ARHGAP28: variants seen among roughly 807,000 people sequenced by gnomAD.
ARHGAP28 encodes the protein rho GTPase-activating protein 28.
In ARHGAP28, 56 loss-of-function variants were observed where a neutral mutation model predicts 90.7. That is an observed-to-expected ratio of 0.62 (90% CI 0.50 to 0.77). ARHGAP28 has a LOEUF of 0.77. ARHGAP28 is among the 30% of genes least tolerant of loss of function. The pLI is 0.00. For synonymous variants in ARHGAP28, 308 were observed against 323.3 expected, an observed-to-expected ratio of 0.95 and a Z score of 0.51; for missense variants, 869 against 900.9, an observed-to-expected ratio of 0.96 and a Z score of 0.45.
intron 1 of ARHGAP28, among the ~76,000 whole-genome samples, chr18:6,796,275 A>T (rs1430175444): frequency 6.6e-6 from 1 of 152,140 alleles, no homozygotes; most frequent in East Asian, 1.9e-4. Flanking sequence ...ACATCTATAC[A>T]TGCATACATT....
Position 6,896,573 on chromosome 18 carries a change from C to G in ARHGAP28, c.1977C>G (p.Leu659=), listed in dbSNP as rs769668803. ...CCAAGGTGTCCATGGCCATTCAACTCAACAATCAAACCAAAGCCAAAGACA... is the reference window on the plus strand; with the variant it reads ...CCAAGGTGTCCATGGCCATTCAACTGAACAATCAAACCAAAGCCAAAGACA... ...LLSKVSMAIQ[L]NNQTKAKDIL... The change falls in exon 16 of 18, where the codon CTC becomes CTG. Residue 659 remains leucine (L), a synonymous_variant. Transcript: ENST00000383472. 1.2e-6 allele frequency: 2 copies of G among 1,614,096 alleles called. No individual in the cohort carries two copies. Among genetic ancestry groups the G allele is most frequent in the Non-Finnish European group, 1.7e-6 (2 of 1,179,996 alleles).
In ARHGAP28 at chr18:6,729,730, G is replaced by A; in HGVS notation, c.-92G>A. The A allele has an allele frequency of 3.9e-6, 5 of 1,279,354 alleles. No homozygotes were observed. The South Asian group carries it at 9.9e-5, about 25-fold the overall frequency. The allele number at this position is 1,279,354 out of a possible 1,614,324, so 79.3% of individuals were successfully genotyped here. On this transcript the variant is annotated 5_prime_UTR_variant, in exon 1 of 18. Transcript: ENST00000383472. ...AGCGGCTGGTCGCACCTCGGGCCGC[G>A]CCGCCCAGCTGCTGACAGCCTCCCG...
intron 2 of ARHGAP28, among the ~76,000 whole-genome samples, chr18:6,830,618 A>C (rs1444644696): frequency 6.6e-6 from 1 of 152,110 alleles, no homozygotes; most frequent in African/African-American, 2.4e-5. Flanking sequence ...ATGGTTTCCA[A>C]CTTCATCCAT....
intron 1 of ARHGAP28, among the ~76,000 whole-genome samples, chr18:6,817,152 A>G (rs1192191519): frequency 4.0e-5 from 6 of 151,770 alleles, no homozygotes; most frequent in African/African-American, 1.2e-4. Flanking sequence ...CGTCTCTACT[A>G]AAAAAACAAA....
chr18:6,891,079 A>T (rs1378435279), intron 14 of ARHGAP28, among the ~76,000 whole-genome samples: 1 of 152,234 alleles, frequency 6.6e-6, no homozygotes, highest in African/African-American at 2.4e-5. Flanking sequence ...TAACTTGAGG[A>T]TGATCACAAG....
chr18:6,865,570 G>A (rs1220471014), intron 5 of ARHGAP28, among the ~76,000 whole-genome samples: 1 of 152,024 alleles, frequency 6.6e-6, no homozygotes, highest in African/African-American at 2.4e-5. Flanking sequence ...TCAAACCATG[G>A]GCAAAAACCA....
At chr18:6,781,118 A>T (rs969697659) in intron 1 of ARHGAP28, among the ~76,000 whole-genome samples, 7 of 152,140 alleles carry the variant, frequency 4.6e-5, no homozygotes, top group Admixed American at 6.5e-5. Context: ...GAATATTCAG[A>T]ATATTTCCCT....
intron 2 of ARHGAP28, among the ~76,000 whole-genome samples, chr18:6,833,378 C>G (rs575165605): frequency 8.6e-5 from 13 of 151,994 alleles, no homozygotes; most frequent in African/African-American, 3.1e-4. Context: ...AAAAAAGAAA[C>G]CCTCCAGTTT....
chr18:6,850,814 C>T (rs751821821), intron 3 of ARHGAP28: 7 of 1,529,562 alleles, frequency 4.6e-6, no homozygotes, highest in Non-Finnish European at 6.1e-6. Flanking sequence ...GAGTTTGCTT[C>T]TGAGACGAAT....
At chr18:6,888,044 A>G (rs2143700587) in intron 12 of ARHGAP28, among the ~76,000 whole-genome samples, 1 of 152,364 alleles carries the variant, frequency 6.6e-6, no homozygotes, top group Non-Finnish European at 1.5e-5. Context: ...AAATAATTCA[A>G]TTTAAATAGT....
Position 6,881,998 on chromosome 18 carries a change from GA to G in ARHGAP28, c.1291-131del, listed in dbSNP as rs547603565. ...CATAGCTATTTGCCTTAATCATGTT[GA>G]AAAAAAATTACTCTTGGTAGACATT... On this transcript the variant is annotated intron_variant, in intron 10 of 17. Coordinates refer to ENST00000383472, the MANE Select transcript of ARHGAP28 (RefSeq NM_001366230.1). 1.2e-3 allele frequency: 798 copies of G among 672,458 alleles called. 7 individuals carry two copies. The African/African-American group carries it at 0.013, about 11-fold the overall frequency. 41.7% of individuals were successfully genotyped at this position (672,458 alleles called of 1,614,324 possible).
chr18:6,881,010 G>A (rs924318138), intron 10 of ARHGAP28, among the ~76,000 whole-genome samples: 2 of 152,192 alleles, frequency 1.3e-5, no homozygotes, highest in African/African-American at 4.8e-5. Context: ...ATTCCTATAA[G>A]ATTGAAAGCT....
chr18:6,734,680 A>G (rs2055910957), intron 1 of ARHGAP28, among the ~76,000 whole-genome samples: 1 of 152,232 alleles, frequency 6.6e-6, no homozygotes, highest in Non-Finnish European at 1.5e-5. Flanking sequence ...TTAATTAATT[A>G]AGAAAACATT....
At chr18:6,869,764 G>A (rs1434818706) in intron 6 of ARHGAP28, among the ~76,000 whole-genome samples, 2 of 152,152 alleles carry the variant, frequency 1.3e-5, no homozygotes, top group Non-Finnish European at 2.9e-5. Context: ...ACAGCAGAGG[G>A]CAAAAGAGAA....
chr18:6,781,828 A>C (rs962512373), intron 1 of ARHGAP28, among the ~76,000 whole-genome samples: 1 of 152,180 alleles, frequency 6.6e-6, no homozygotes, highest in African/African-American at 2.4e-5. Flanking sequence ...TTGCCAGTTG[A>C]TATCTCTTTT....
At chr18:6,874,841 C>G (rs1361978716) in intron 9 of ARHGAP28, 1 of 152,026 alleles carries the variant, frequency 6.6e-6, no homozygotes, top group East Asian at 1.9e-4. Context: ...TATGTAATAC[C>G]ACGTCTAGTC....
In ARHGAP28 at chr18:6,912,099, T is replaced by C; in HGVS notation, c.2135T>C (p.Val712Ala). ...CLDPDAYILD[V>A]YRINPQAEWV... is the part of the protein sequence containing the mutation. ...GATCCAGATGCTTATATATTGGATG[T>C]ATATCGTATAAATCCTCAAGCAGAA... is the stretch of plus-strand genomic sequence containing the variant. The change falls in exon 18 of 18, where the codon GTA (valine) becomes GCA (alanine). Residue 712 changes from valine (V) to alanine (A), a missense_variant. By Grantham distance (64) the Val-to-Ala change is moderately conservative. Transcript: ENST00000383472. The C allele has an allele frequency of 1.2e-6, 2 of 1,609,286 alleles. No homozygotes were observed. Among genetic ancestry groups the C allele is most frequent in the African/African-American group, 2.7e-5 (2 of 74,912 alleles).
intron 6 of ARHGAP28, among the ~76,000 whole-genome samples, chr18:6,869,010 A>G (rs2143493408): frequency 6.6e-6 from 1 of 152,244 alleles, no homozygotes; most frequent in East Asian, 1.9e-4. Flanking sequence ...CTTGCCAGAC[A>G]TTAGTATTCT....
rs773098375 is a variant in ARHGAP28 at position 6,894,886 on chromosome 18, C to T, written c.1900C>T (p.Arg634Ter). The change falls in exon 15 of 18, where the codon CGA (arginine) becomes TGA (stop). Residue 634 changes from arginine to a stop codon, truncating the protein, a stop_gained. Transcript: ENST00000383472. LOFTEE classifies it high-confidence loss of function. ...KVLQKSPSAR[R>*]MSDVPEGVIR... ...ACTGCAAAAATCACCCTCGGCAAGA[C>T]GAATGGTAAGAAAAATAATTTCTTT... 12 of 1,613,844 alleles carry T rather than the reference C, an allele frequency of 7.4e-6. No homozygotes were observed. Among genetic ancestry groups the T allele is most frequent in the African/African-American group, 1.3e-5 (1 of 74,904 alleles).
Sources: gnomAD v4.1 joint callset for allele counts (sites outside exome capture counted in the v4.1 genomes callset) on GRCh38, gnomAD v4.1.1 for gene constraint, MANE v1.5 for transcripts, NCBI Gene and HGNC (gene_info 2026-07-23, HGNC 2026-07-21) for gene names.